LOC128462377: variants seen among roughly 807,000 people sequenced by gnomAD.
chr16:89,338,251 C>T, the LOC128462377 span, among the ~76,000 whole-genome samples: 2 of 152,090 alleles, frequency 1.3e-5, no homozygotes, highest in East Asian at 1.9e-4. Flanking sequence ...CATGTGCTGC[C>T]ATGAGCGCCA....
chr16:89,335,142 T>C, the LOC128462377 span, among the ~76,000 whole-genome samples: 2 of 152,168 alleles, frequency 1.3e-5, no homozygotes, highest in African/African-American at 4.8e-5. Flanking sequence ...TGATGCCCCA[T>C]GTCCGGCCTG....
At chr16:89,332,397 C>T in the LOC128462377 span, among the ~76,000 whole-genome samples, 1 of 152,158 alleles carries the variant, frequency 6.6e-6, no homozygotes, top group Non-Finnish European at 1.5e-5. Context: ...CCCAAGTCCC[C>T]GAGGACAGAG....
At chr16:89,408,495 T>C in the LOC128462377 span, among the ~76,000 whole-genome samples, 1 of 152,192 alleles carries the variant, frequency 6.6e-6, no homozygotes, top group African/African-American at 2.4e-5. Flanking sequence ...CCAGATTCCC[T>C]CACCCTGCTC....
the LOC128462377 span, among the ~76,000 whole-genome samples, chr16:89,380,869 C>T: frequency 2.0e-5 from 3 of 152,134 alleles, no homozygotes; most frequent in Non-Finnish European, 2.9e-5. Flanking sequence ...CAGGCCTACA[C>T]GGGGCAATGC....
chr16:89,404,143 C>G, the LOC128462377 span, among the ~76,000 whole-genome samples: 1 of 152,310 alleles, frequency 6.6e-6, no homozygotes, highest in Middle Eastern at 3.4e-3. Context: ...TCAGCACCAA[C>G]AGACAGTCAT....
At chr16:89,380,408 A>T in the LOC128462377 span, among the ~76,000 whole-genome samples, 1 of 152,128 alleles carries the variant, frequency 6.6e-6, no homozygotes, top group East Asian at 1.9e-4. Flanking sequence ...CACTGTGCCC[A>T]GCCCAATGAT....
chr16:89,346,292 T>C, the LOC128462377 span, among the ~76,000 whole-genome samples: 18 of 135,386 alleles, frequency 1.3e-4, no homozygotes, highest in Non-Finnish European at 2.7e-4. Context: ...ACAGAGAAAA[T>C]GCGCCTCAGC....
chr16:89,380,280 T>C, the LOC128462377 span, among the ~76,000 whole-genome samples: 4 of 152,148 alleles, frequency 2.6e-5, no homozygotes, highest in African/African-American at 9.7e-5. Context: ...GCCTGGCTAA[T>C]TCTGTATTTT....
the LOC128462377 span, among the ~76,000 whole-genome samples, chr16:89,376,698 C>T: frequency 1.1e-4 from 17 of 152,186 alleles, no homozygotes; most frequent in Non-Finnish European, 2.4e-4. Context: ...CTTGGCCTCC[C>T]TAAGTGCTGG....
At chr16:89,379,458 C>A in the LOC128462377 span, among the ~76,000 whole-genome samples, 1 of 152,244 alleles carries the variant, frequency 6.6e-6, no homozygotes, top group Non-Finnish European at 1.5e-5. Context: ...CCAAAACCAG[C>A]TCATGTAACT....
At chr16:89,384,323 G>C in the LOC128462377 span, among the ~76,000 whole-genome samples, 1 of 152,098 alleles carries the variant, frequency 6.6e-6, no homozygotes, top group South Asian at 2.1e-4. Flanking sequence ...CTGAGGTCAG[G>C]AGTTCGAGAC....
chr16:89,372,830 C>CT, the LOC128462377 span: 2 of 152,330 alleles, frequency 1.3e-5, no homozygotes, highest in African/African-American at 2.4e-5. Context: ...CAGGGACTCA[C>CT]TGAAAGTTAC....
At chr16:89,335,793 C>T in the LOC128462377 span, among the ~76,000 whole-genome samples, 1 of 152,184 alleles carries the variant, frequency 6.6e-6, no homozygotes, top group Non-Finnish European at 1.5e-5. Context: ...TGGGTTCTCA[C>T]AAGCTTGTTT....
chr16:89,342,046 C>T, the LOC128462377 span, among the ~76,000 whole-genome samples: 5 of 106,520 alleles, frequency 4.7e-5, no homozygotes, highest in Admixed American at 9.9e-5. Context: ...ACAGCGGCCA[C>T]GGCCCACGGC....
chr16:89,323,222 G>C, the LOC128462377 span: 8 of 1,081,246 alleles, frequency 7.4e-6, no homozygotes, highest in South Asian at 2.6e-5. Context: ...ACTGAGCGGA[G>C]GAAAAAAGAA....
chr16:89,336,853 CG>C, the LOC128462377 span, among the ~76,000 whole-genome samples: 2 of 151,858 alleles, frequency 1.3e-5, no homozygotes, highest in African/African-American at 4.8e-5. Context: ...AGGCCGGGCG[CG>C]GTGGCTCACG....
the LOC128462377 span, among the ~76,000 whole-genome samples, chr16:89,325,379 G>A: frequency 1.3e-4 from 19 of 151,736 alleles, no homozygotes; most frequent in Admixed American, 2.6e-4. Flanking sequence ...TCGAGGCTGC[G>A]GTAAGCCAAG....
At chr16:89,324,095 C>T in the LOC128462377 span, 31 of 398,140 alleles carry the variant, frequency 7.8e-5, no homozygotes, top group African/African-American at 5.0e-4. Context: ...CATGATCTGC[C>T]GGCCTCGGCC....
At chr16:89,343,487 G>T in the LOC128462377 span, among the ~76,000 whole-genome samples, 1 of 152,212 alleles carries the variant, frequency 6.6e-6, no homozygotes, top group Non-Finnish European at 1.5e-5. Flanking sequence ...AACACATAAT[G>T]TATGTGTGAG....
Sources: allele counts gnomAD v4.1 joint callset (sites outside exome capture counted in the v4.1 genomes callset), GRCh38; gene constraint gnomAD v4.1.1; transcripts MANE v1.5.